Variants in UTS2B observed in about 807,000 individuals in gnomAD.
UTS2B encodes urotensin 2B.
UTS2B carries 21 observed loss-of-function variants against 19.2 expected under a neutral mutation model. That is an observed-to-expected ratio of 1.09 (90% CI 0.78 to 1.58). The LOEUF is 1.58. UTS2B is among the 40% of genes most tolerant of loss of function. The pLI, the probability that UTS2B is intolerant of heterozygous loss-of-function variation, is 0.00. For synonymous variants in UTS2B, 57 were observed against 50.2 expected, an observed-to-expected ratio of 1.14 and a Z score of -0.58; for missense variants, 138 against 130.3, an observed-to-expected ratio of 1.06 and a Z score of -0.29.
chr3:191,334,566 C>T (rs536535726), upstream of UTS2B, among the ~76,000 whole-genome samples: 1 of 152,158 alleles, frequency 6.6e-6, no homozygotes, highest in South Asian at 2.1e-4. Flanking sequence ...TGTATTAAAC[C>T]ACTGAGGCTA....
At chr3:191,270,806 G>T (rs1716071744) in intron 8 of UTS2B, among the ~76,000 whole-genome samples, 1 of 152,062 alleles carries the variant, frequency 6.6e-6, no homozygotes, top group East Asian at 1.9e-4. Context: ...ATAGAGAGTT[G>T]TTTTTGGATA....
At chr3:191,320,741 A>G (rs1355588417) in intron 2 of UTS2B, among the ~76,000 whole-genome samples, 2 of 152,252 alleles carry the variant, frequency 1.3e-5, no homozygotes, top group Admixed American at 1.3e-4. Flanking sequence ...TGAAAGAAAG[A>G]CAGTAAAGAA....
At chr3:191,313,923 G>T (rs572982130) in intron 3 of UTS2B, among the ~76,000 whole-genome samples, 1 of 151,906 alleles carries the variant, frequency 6.6e-6, no homozygotes, top group East Asian at 1.9e-4. Context: ...TAGAGACAGG[G>T]TTTCACCATG....
intron 3 of UTS2B, 129 bp downstream of exon 3, chr3:191,315,907 G>A (rs533759487): frequency 3.9e-5 from 6 of 152,278 alleles, no homozygotes; most frequent in East Asian, 1.9e-4. Flanking sequence ...ATATATAATT[G>A]AAACATATTC....
At chr3:191,342,597 A>G in the UTS2B span, among the ~76,000 whole-genome samples, 5 of 152,236 alleles carry the variant, frequency 3.3e-5, no homozygotes, top group South Asian at 2.1e-4. Context: ...TTTAATGGGC[A>G]TGGCTGGGTT....
At chr3:191,276,949 C>A in intron 6 of UTS2B, 105 bp from the exon 7 acceptor site, 1 of 996,042 alleles carries the variant, frequency 1.0e-6, no homozygotes, top group South Asian at 1.6e-5. Flanking sequence ...AGGTCTTTTT[C>A]ATATGATTTG....
At chr3:191,320,716 G>A (rs764704228) in intron 2 of UTS2B, among the ~76,000 whole-genome samples, 4 of 152,200 alleles carry the variant, frequency 2.6e-5, no homozygotes, top group African/African-American at 4.8e-5. Flanking sequence ...TCTGCTGAAG[G>A]ATAAATGCAG....
intron 4 of UTS2B, among the ~76,000 whole-genome samples, chr3:191,299,684 C>A (rs1560140658): frequency 6.6e-6 from 1 of 152,256 alleles, no homozygotes; most frequent in Non-Finnish European, 1.5e-5. Context: ...GGTGGAACCC[C>A]CACACAGAGT....
chr3:191,298,518 T>C (rs961209714), intron 4 of UTS2B, among the ~76,000 whole-genome samples: 15 of 152,246 alleles, frequency 9.9e-5, no homozygotes, highest in Non-Finnish European at 2.1e-4. Flanking sequence ...TTGTGTTTCC[T>C]GAGGCCTCCC....
chr3:191,334,621 T>C (rs1257299372), upstream of UTS2B, among the ~76,000 whole-genome samples: 2 of 152,158 alleles, frequency 1.3e-5, no homozygotes, highest in African/African-American at 4.8e-5. Context: ...TAGAAAAGTT[T>C]AGAACTGTGA....
At chr3:191,299,197 T>C (rs938067725) in intron 4 of UTS2B, among the ~76,000 whole-genome samples, 1 of 152,216 alleles carries the variant, frequency 6.6e-6, no homozygotes, top group African/African-American at 2.4e-5. Context: ...CTGGGTAGAA[T>C]TTTAAGGCAG....
intron 1 of UTS2B, chr3:191,329,241 C>A (rs1576941605): frequency 2.9e-5 from 5 of 172,648 alleles, no homozygotes; most frequent in African/African-American, 9.5e-5. Context: ...CGTCACTGAG[C>A]ACAAAGGAGA....
intron 3 of UTS2B, among the ~76,000 whole-genome samples, chr3:191,310,548 C>A (rs188866932): frequency 6.6e-6 from 1 of 152,258 alleles, no homozygotes; most frequent in East Asian, 1.9e-4. Flanking sequence ...GAAAATGCTG[C>A]CAATGTTGAT....
chr3:191,338,580 A>G, the UTS2B span, among the ~76,000 whole-genome samples: 1 of 152,280 alleles, frequency 6.6e-6, no homozygotes, highest in East Asian at 1.9e-4. Context: ...CTAAGTTAAC[A>G]TGTTTGCTTC....
chr3:191,307,588 G>A (rs922452644), intron 3 of UTS2B, among the ~76,000 whole-genome samples: 5 of 152,234 alleles, frequency 3.3e-5, no homozygotes, highest in African/African-American at 1.2e-4. Flanking sequence ...TGGGTAGGAC[G>A]TTCAGAGGAT....
intron 8 of UTS2B, 143 bp downstream of exon 8, chr3:191,275,109 G>A: frequency 1.8e-6 from 1 of 561,430 alleles, no homozygotes. Flanking sequence ...CACTTTTATT[G>A]GAATATATTT....
chr3:191,271,486 G>A (rs530585991), intron 8 of UTS2B, among the ~76,000 whole-genome samples: 98 of 152,268 alleles, frequency 6.4e-4, no homozygotes, highest in African/African-American at 2.2e-3. Flanking sequence ...TGAGCTGTAG[G>A]ACCTAGACTG....
At chr3:191,313,736 T>G (rs1482293391) in intron 3 of UTS2B, among the ~76,000 whole-genome samples, 1 of 146,564 alleles carries the variant, frequency 6.8e-6, no homozygotes. Flanking sequence ...TTTTTTTTTT[T>G]TTTTTTTTTT....
chr3:191,275,827 C>CA (rs1281373275), intron 7 of UTS2B, among the ~76,000 whole-genome samples: 1 of 150,752 alleles, frequency 6.6e-6, no homozygotes, highest in African/African-American at 2.4e-5. Flanking sequence ...AAGAAAAAAA[C>CA]AAAAAAGAGA....
Sources: gnomAD v4.1 joint callset for allele counts (sites outside exome capture counted in the v4.1 genomes callset) on GRCh38, gnomAD v4.1.1 for gene constraint, MANE v1.5 for transcripts, NCBI Gene and HGNC (gene_info 2026-07-23, HGNC 2026-07-21) for gene names.